The following NR3C2 variants were observed in gnomAD, a reference collection of about 807,000 sequenced individuals.
NR3C2 encodes the protein nuclear receptor subfamily 3 group C member 2.
NR3C2 carries 15 observed loss-of-function variants against 86.4 expected under a neutral mutation model. The observed-to-expected ratio is 0.17, with a 90% CI of 0.12 to 0.27. The LOEUF (loss-of-function observed/expected upper bound fraction) is 0.27, where lower values mean the gene tolerates loss of function less well. Among genes scored for constraint, NR3C2 ranks in the 10% least tolerant of loss-of-function variants. The pLI, the probability that NR3C2 is intolerant of heterozygous loss-of-function variation, is 1.00. For missense variants in NR3C2, 960 were observed against 1,195.6 expected (o/e 0.80, Z 2.91); for synonymous variants, 458 against 450.5 (o/e 1.02, Z -0.21).
At chr4:148,408,944 C>A (rs1748555850) in intron 2 of NR3C2, among the ~76,000 whole-genome samples, 1 of 152,076 alleles carries the variant, frequency 6.6e-6, no homozygotes, top group Non-Finnish European at 1.5e-5. Flanking sequence ...TTTAAAACAT[C>A]TACTAGTCCT....
chr4:148,433,984 C>T (rs188862137), intron 2 of NR3C2, among the ~76,000 whole-genome samples: 5 of 152,132 alleles, frequency 3.3e-5, no homozygotes, highest in Middle Eastern at 3.4e-3. Context: ...AGGTTTGAGG[C>T]AATGACAATA....
At chr4:148,245,993 G>A (rs1739295464) in intron 3 of NR3C2, among the ~76,000 whole-genome samples, 3 of 152,258 alleles carry the variant, frequency 2.0e-5, no homozygotes, top group African/African-American at 7.2e-5. Flanking sequence ...ATTTCCCACT[G>A]ATTTCTTAAT....
chr4:148,384,052 A>C (rs1184940252), intron 2 of NR3C2, among the ~76,000 whole-genome samples: 1 of 152,078 alleles, frequency 6.6e-6, no homozygotes, highest in African/African-American at 2.4e-5. Context: ...TGTAAGAACC[A>C]GGATTCACTG....
At chr4:148,114,369 T>A (rs950271420) in intron 7 of NR3C2, 108 bp from the exon 8 acceptor site, 5 of 1,169,534 alleles carry the variant, frequency 4.3e-6, no homozygotes, top group Non-Finnish European at 6.2e-6. Context: ...AAATCTCAAT[T>A]AATTGCATTT....
chr4:148,171,804 G>A (rs774307032), intron 4 of NR3C2, among the ~76,000 whole-genome samples: 21 of 152,050 alleles, frequency 1.4e-4, no homozygotes, highest in Non-Finnish European at 2.8e-4. Flanking sequence ...TTGTGTTCAC[G>A]GTCTTAAACA....
chr4:148,246,644 C>T (rs779779067), intron 3 of NR3C2, among the ~76,000 whole-genome samples: 3 of 152,142 alleles, frequency 2.0e-5, no homozygotes, highest in East Asian at 3.9e-4. Context: ...CTCTGTCTCC[C>T]GGGTTCAAGC....
intron 2 of NR3C2, among the ~76,000 whole-genome samples, chr4:148,400,288 C>G (rs1560710695): frequency 1.3e-5 from 2 of 152,296 alleles, no homozygotes; most frequent in Non-Finnish European, 1.5e-5. Flanking sequence ...TTAGACTGTT[C>G]TCTAGACTGC....
chr4:148,299,424 C>T (rs1352837049), intron 2 of NR3C2, among the ~76,000 whole-genome samples: 1 of 152,146 alleles, frequency 6.6e-6, no homozygotes, highest in Non-Finnish European at 1.5e-5. Context: ...TTTTCTATGG[C>T]ATTGTCCTTC....
chr4:148,089,447 C>A (rs1483243604), intron 8 of NR3C2, among the ~76,000 whole-genome samples: 1 of 152,214 alleles, frequency 6.6e-6, no homozygotes, highest in Non-Finnish European at 1.5e-5. Flanking sequence ...TAAAGTGCTT[C>A]AAATTCCACC....
chr4:148,288,262 A>G (rs1741630244), intron 2 of NR3C2, among the ~76,000 whole-genome samples: 1 of 152,250 alleles, frequency 6.6e-6, no homozygotes, highest in South Asian at 2.1e-4. Flanking sequence ...AGGATCTAAT[A>G]CATGACTATT....
At chr4:148,156,696 C>T (rs532682275) in intron 4 of NR3C2, among the ~76,000 whole-genome samples, 3,700 of 152,122 alleles carry the variant, frequency 0.024, 144 homozygotes, top group African/African-American at 0.082. Flanking sequence ...AACACTTTTA[C>T]ACTGTTGGTG....
Position 148,104,332 on chromosome 4 carries a change from T to TTTTTG in NR3C2, c.2799+9771_2799+9772insCAAAA, listed in dbSNP as rs1426823274. On this transcript the variant is annotated intron_variant, in intron 8 of 8. Coordinates refer to ENST00000358102, the MANE Select transcript of NR3C2 (RefSeq NM_000901.5). Reference sequence around the variant, plus strand: ...AGTGAGATTTGTTTGTTTTTTTGTGTTTTGGTTTGGTTTTTTTTTTTTTTT... The same window carrying TTTTTG: ...AGTGAGATTTGTTTGTTTTTTTGTGTTTTTGTTTGGTTTGGTTTTTTTTTTTTTTT... 1.3e-3 allele frequency among the ~76,000 whole-genome samples: 187 copies of TTTTTG among 142,526 alleles called. 2 individuals carry two copies. The highest frequency in any genetic ancestry group is 7.1e-3 in the Middle Eastern group (2 of 282). 93.5% of individuals were successfully genotyped at this position (142,526 alleles called of 152,430 possible). A position where few individuals can be genotyped will look rare whatever the true frequency, so the allele number is the denominator to read the frequency against.
intron 2 of NR3C2, among the ~76,000 whole-genome samples, chr4:148,328,725 C>T (rs775034482): frequency 1.3e-5 from 2 of 152,158 alleles, no homozygotes; most frequent in Non-Finnish European, 2.9e-5. Flanking sequence ...TCTCAATTAA[C>T]AAAGGGAAGA....
At chr4:148,282,624 G>T (rs1196200765) in intron 2 of NR3C2, among the ~76,000 whole-genome samples, 1 of 152,142 alleles carries the variant, frequency 6.6e-6, no homozygotes, top group Non-Finnish European at 1.5e-5. Context: ...AGAAAACAAG[G>T]AAGAAAGTCC....
intron 4 of NR3C2, among the ~76,000 whole-genome samples, chr4:148,179,356 G>A (rs1735543653): frequency 6.6e-6 from 1 of 151,522 alleles, no homozygotes; most frequent in African/African-American, 2.4e-5. Flanking sequence ...GGCCCTTTAA[G>A]GAAGGCTAGA....
rs1270486157 is a variant in NR3C2 at position 148,079,518 on chromosome 4, C to T, written c.*1826G>A. 1 of 152,636 alleles carries T rather than the reference C, an allele frequency of 6.6e-6. No homozygotes were observed. Among genetic ancestry groups the T allele is most frequent in the Non-Finnish European group, 1.5e-5 (1 of 68,040 alleles). The allele number at this position is 152,636 out of a possible 1,614,324, so 9.5% of individuals were successfully genotyped here. A position where few individuals can be genotyped will look rare whatever the true frequency, so the allele number is the denominator to read the frequency against. ...TTGGAAAATAATTAATATGATTTCA[C>T]TGAGTAAACCTGATGATTATCATCA... On this transcript the variant is annotated 3_prime_UTR_variant, in exon 9 of 9. Transcript: ENST00000358102.
chr4:148,229,581 G>T (rs1416885448), intron 3 of NR3C2, among the ~76,000 whole-genome samples: 1 of 152,124 alleles, frequency 6.6e-6, no homozygotes, highest in Non-Finnish European at 1.5e-5. Context: ...GGCAGAAGGA[G>T]ATGAGATACA....
In NR3C2 at chr4:148,232,830, C is replaced by T. The variant is rs146056953; in HGVS notation, c.1897+27148G>A. ...ACAGCTTCTCCATCAGCACTTCCAT[C>T]AACGTGAAGTGCTGCTTCGCCTTGC... On this transcript the variant is annotated intron_variant, in intron 3 of 8. Transcript: ENST00000358102. Among the ~76,000 whole-genome samples the T allele has an allele frequency of 5.2e-3, 798 of 152,346 alleles. 14 individuals are homozygous for T. Among genetic ancestry groups the T allele is most frequent in the African/African-American group, 0.018 (755 of 41,574 alleles).
chr4:148,258,541 A>C (rs1579074936), intron 3 of NR3C2, among the ~76,000 whole-genome samples: 4 of 152,094 alleles, frequency 2.6e-5, no homozygotes, highest in African/African-American at 9.6e-5. Flanking sequence ...TGATCACTAC[A>C]TTTTCCAGCC....
Sources: gnomAD v4.1 joint callset for allele counts (sites outside exome capture counted in the v4.1 genomes callset) on GRCh38, gnomAD v4.1.1 for gene constraint, MANE v1.5 for transcripts, NCBI Gene and HGNC (gene_info 2026-07-23, HGNC 2026-07-21) for gene names.